ATF7: variants seen among roughly 807,000 people sequenced by gnomAD.
ATF7 encodes activating transcription factor 7.
ATF7 carries 10 observed loss-of-function variants against 50.4 expected under a neutral mutation model. The ratio of observed to expected loss-of-function variants is 0.20; its 90% CI spans 0.12 to 0.34. The LOEUF (loss-of-function observed/expected upper bound fraction) is 0.34, where lower values mean the gene tolerates loss of function less well. Ranked by LOEUF, ATF7 falls within the 10% of genes least tolerant of loss-of-function variation. The probability of loss-of-function intolerance (pLI) is 1.00; values close to 1 mark genes in which losing one functional copy is unlikely to be tolerated. For synonymous variants in ATF7, 201 were observed against 226.4 expected, an observed-to-expected ratio of 0.89 and a Z score of 1.01; for missense variants, 465 against 613.9, an observed-to-expected ratio of 0.76 and a Z score of 2.56.
At position 53,512,063 on chromosome 12, in the gene ATF7, C is replaced by T. The variant is rs142480771; in HGVS notation, c.*5074G>A. 2.0e-5 allele frequency: 3 copies of T among 152,122 alleles called. No homozygotes were observed. The East Asian group carries it at 5.8e-4, about 29-fold the overall frequency. The allele number at this position is 152,122 out of a possible 1,614,324, so 9.4% of individuals were successfully genotyped here. On this transcript the variant is annotated 3_prime_UTR_variant, in exon 12 of 12. Transcript: ENST00000420353. ...AAGCATCAGACATAACAGTGGTTCA[C>T]TTGATAGTTTAATGTTATATTTGCA...
At chr12:53,602,622 C>T (rs1943448525) in intron 1 of ATF7, among the ~76,000 whole-genome samples, 1 of 152,132 alleles carries the variant, frequency 6.6e-6, no homozygotes, top group Non-Finnish European at 1.5e-5. Context: ...GGAACAGAGC[C>T]TATACGTACA....
chr12:53,624,446 G>A (rs554420196), intron 1 of ATF7, among the ~76,000 whole-genome samples: 55 of 152,294 alleles, frequency 3.6e-4, no homozygotes, highest in African/African-American at 1.2e-3. Context: ...CAAAATCTAC[G>A]CAAGAGCAAA....
At chr12:53,549,629 G>A (rs1457285998) in intron 3 of ATF7, among the ~76,000 whole-genome samples, 1 of 152,064 alleles carries the variant, frequency 6.6e-6, no homozygotes, top group Non-Finnish European at 1.5e-5. Flanking sequence ...ACCCAGGTTG[G>A]AGTGCAGTGG....
intron 2 of ATF7, among the ~76,000 whole-genome samples, chr12:53,590,906 T>C (rs1432571891): frequency 6.6e-6 from 1 of 152,158 alleles, no homozygotes; most frequent in Non-Finnish European, 1.5e-5. Flanking sequence ...AGGTGGAGAT[T>C]TTTATGGCAG....
chr12:53,523,411 T>A, intron 10 of ATF7, 27 bp from the exon 11 acceptor site: 1 of 1,512,396 alleles, frequency 6.6e-7, no homozygotes, highest in Non-Finnish European at 9.2e-7. Context: ...GAAAAGAGTA[T>A]CAAGAAAATT....
intron 2 of ATF7, among the ~76,000 whole-genome samples, chr12:53,598,197 A>C (rs1354745857): frequency 1.3e-5 from 2 of 152,240 alleles, no homozygotes; most frequent in African/African-American, 2.4e-5. Context: ...AATCTTGTAG[A>C]GATCCCAATC....
At chr12:53,510,661 T>C (rs1259880407), downstream of ATF7, among the ~76,000 whole-genome samples, 2 of 152,250 alleles carry the variant, frequency 1.3e-5, no homozygotes, top group Non-Finnish European at 1.5e-5. Context: ...AGCCATTCCA[T>C]GTTTACCATC....
chr12:53,523,943 A>C (rs985797249), intron 10 of ATF7, among the ~76,000 whole-genome samples: 2 of 152,214 alleles, frequency 1.3e-5, no homozygotes, highest in Non-Finnish European at 2.9e-5. Flanking sequence ...ACTATAAATA[A>C]AAAATATTTA....
chr12:53,561,909 C>T, intron 2 of ATF7, among the ~76,000 whole-genome samples: 1 of 152,128 alleles, frequency 6.6e-6, no homozygotes, highest in East Asian at 1.9e-4. Flanking sequence ...AAAACAAGAA[C>T]AGAAAACTTT....
intron 2 of ATF7, among the ~76,000 whole-genome samples, chr12:53,557,448 A>G (rs1461563658): frequency 6.6e-6 from 1 of 152,202 alleles, no homozygotes; most frequent in African/African-American, 2.4e-5. Context: ...GTGATCTGCC[A>G]GCCTTGGCTT....
chr12:53,548,684 T>C (rs567713082), intron 3 of ATF7, among the ~76,000 whole-genome samples: 7 of 152,266 alleles, frequency 4.6e-5, no homozygotes, highest in African/African-American at 1.7e-4. Context: ...GAAAGCATCA[T>C]AGTGTACAAA....
intron 1 of ATF7, among the ~76,000 whole-genome samples, chr12:53,611,049 A>C (rs1943852891): frequency 6.6e-6 from 1 of 151,952 alleles, no homozygotes; most frequent in Admixed American, 6.6e-5. Flanking sequence ...CTGGTCTCAA[A>C]ATTCCTGGGC....
At chr12:53,562,633 C>T (rs1391843257) in intron 2 of ATF7, among the ~76,000 whole-genome samples, 2 of 149,120 alleles carry the variant, frequency 1.3e-5, no homozygotes, top group African/African-American at 5.0e-5. Context: ...GAAACTTCAT[C>T]TCAAAAAAAA....
chr12:53,584,232 T>C (rs916458698), intron 2 of ATF7, among the ~76,000 whole-genome samples: 4 of 152,216 alleles, frequency 2.6e-5, no homozygotes, highest in African/African-American at 9.6e-5. Context: ...TCCACCCGCC[T>C]TGGCCTTCCA....
At chr12:53,553,627 T>A (rs554506432) in intron 2 of ATF7, among the ~76,000 whole-genome samples, 1 of 152,002 alleles carries the variant, frequency 6.6e-6, no homozygotes, top group Non-Finnish European at 1.5e-5. Context: ...TTCTCAAAAG[T>A]CCCTTTGAGG....
rs75823457 is a variant in ATF7 at position 53,550,569 on chromosome 12, G to C, written c.145+1972C>G. On this transcript the variant is annotated intron_variant, in intron 3 of 11. Transcript: ENST00000420353. ...ATGGCAGGGAGAATAGGAAGGAATA[G>C]AATAGAAAGAATTTGAAGAATAAAA... 1.3e-3 allele frequency among the ~76,000 whole-genome samples: 195 copies of C among 152,046 alleles called. 2 individuals carry two copies. The East Asian group carries it at 0.028, about 22-fold the overall frequency.
At chr12:53,616,036 A>G (rs1944102684) in intron 1 of ATF7, among the ~76,000 whole-genome samples, 1 of 152,172 alleles carries the variant, frequency 6.6e-6, no homozygotes, top group Non-Finnish European at 1.5e-5. Context: ...GCACACAAAC[A>G]TTCCTCGTCT....
intron 9 of ATF7, among the ~76,000 whole-genome samples, chr12:53,526,422 C>T (rs1350862025): frequency 3.3e-5 from 5 of 151,660 alleles, no homozygotes; most frequent in African/African-American, 7.3e-5. Context: ...TTGTCTCTTC[C>T]TTATGATTTT....
Position 53,543,372 on chromosome 12 carries a change from A to G in ATF7, c.222T>C (p.Phe74=), listed in dbSNP as rs1043135490. 6.3e-7 allele frequency: 1 copy of G among 1,599,796 alleles called. No homozygotes were observed. The highest frequency in any genetic ancestry group is 1.3e-5 in the African/African-American group (1 of 74,876). ...CTGCAGCTTTCTTGAATTCATGTTC[A>G]AAGGAGCTAGCTAGTTCATTGAAGA... ...VGLFNELASS[F]EHEFKKAADE... The change falls in exon 4 of 12, where the codon TTT becomes TTC. Residue 74 remains phenylalanine, a synonymous_variant. Coordinates refer to ENST00000420353, the MANE Select transcript of ATF7 (RefSeq NM_006856.3).
Sources: allele counts gnomAD v4.1 joint callset (sites outside exome capture counted in the v4.1 genomes callset), GRCh38; gene constraint gnomAD v4.1.1; transcripts MANE v1.5; gene names NCBI Gene and HGNC (gene_info 2026-07-23, HGNC 2026-07-21).